The following HPCAL4 variants were observed in gnomAD, a reference collection of about 807,000 sequenced individuals.
The protein encoded by HPCAL4 is hippocalcin-like protein 4.
A neutral mutation model predicts 18.2 loss-of-function variants in HPCAL4; 16 were observed. That is an observed-to-expected ratio of 0.88 (90% CI 0.59 to 1.33). HPCAL4 has a LOEUF of 1.33. Among genes scored for constraint, HPCAL4 ranks in the 40% most tolerant of loss-of-function variants. The pLI, the probability that HPCAL4 is intolerant of heterozygous loss-of-function variation, is 0.00. For synonymous variants in HPCAL4, 80 were observed against 97.5 expected (o/e 0.82, Z 1.06); for missense variants, 214 against 256.6 (o/e 0.83, Z 1.14).
In HPCAL4 at chr1:39,681,648, C is replaced by T. The variant is rs1208827338; in HGVS notation, c.*888G>A. 5 of 152,224 alleles carry T rather than the reference C, an allele frequency of 3.3e-5. No individual in the cohort carries two copies. In the East Asian group the frequency reaches 7.7e-4, roughly 24 times the overall value. 9.4% of individuals were successfully genotyped at this position (152,224 alleles called of 1,614,324 possible). Reference sequence around the variant, plus strand: ...TTCCCCTTGAAAATTAATATTTTCTCTATTCATTTAATCATTTTATAAGAA... The same window carrying T: ...TTCCCCTTGAAAATTAATATTTTCTTTATTCATTTAATCATTTTATAAGAA... On this transcript the variant is annotated 3_prime_UTR_variant, in exon 4 of 4. Coordinates refer to ENST00000372844, the MANE Select transcript of HPCAL4 (RefSeq NM_016257.4).
Position 39,686,180 on chromosome 1 carries a change from CAA to C in HPCAL4, c.-8-1571_-8-1570del, listed in dbSNP as rs35915782. Among the ~76,000 whole-genome samples the C allele has an allele frequency of 6.7e-3, 579 of 86,448 alleles. 4 individuals are homozygous for C. Among genetic ancestry groups the C allele is most frequent in the African/African-American group, 0.02 (439 of 21,462 alleles). The allele number at this position is 86,448 out of a possible 152,430, so 56.7% of individuals were successfully genotyped here. On this transcript the variant is annotated intron_variant, in intron 1 of 3. Coordinates refer to ENST00000372844, the MANE Select transcript of HPCAL4 (RefSeq NM_016257.4). ...TGGGCGACAGAGTGAGACTCCGTCTCAAAAAAAAAAAAAAAAAAAAATTCACT... is the reference window on the plus strand; with the variant it reads ...TGGGCGACAGAGTGAGACTCCGTCTCAAAAAAAAAAAAAAAAAAATTCACT...
At chr1:39,682,821 C>A in intron 3 of HPCAL4, 88 bp from the exon 4 acceptor site, 1 of 988,914 alleles carries the variant, frequency 1.0e-6, no homozygotes, top group Non-Finnish European at 1.6e-6. Context: ...GCAGGGAGAA[C>A]ACTGGGGGTT....
chr1:39,686,103 C>T (rs1180880469), intron 1 of HPCAL4, among the ~76,000 whole-genome samples: 1 of 151,698 alleles, frequency 6.6e-6, no homozygotes, highest in Non-Finnish European at 1.5e-5. Context: ...ATGGCATCAA[C>T]CCCAGAGGCG....
At chr1:39,690,816 C>T (rs1401670334) in intron 1 of HPCAL4, among the ~76,000 whole-genome samples, 1 of 151,528 alleles carries the variant, frequency 6.6e-6, no homozygotes, top group South Asian at 2.1e-4. Flanking sequence ...GGAGGGAGCG[C>T]TCTGTGGAGG....
Position 39,682,562 on chromosome 1 carries a change from G to A in HPCAL4, c.550C>T (p.Leu184=). 1 of 1,614,234 alleles carries A rather than the reference G, an allele frequency of 6.2e-7. No individual in the cohort carries two copies. Among genetic ancestry groups the A allele is most frequent in the South Asian group, 1.1e-5 (1 of 91,086 alleles). ...AAKSDPSIVL[L]LQCDMQK ...TACTTCTGCATGTCACACTGCAGCA[G>A]CAACACAATGGATGGGTCACTCTTG... Residue 184 remains leucine (L), a synonymous_variant, in exon 4 of 4, where the codon CTG becomes TTG. Transcript: ENST00000372844.
At chr1:39,691,155 C>G (rs986662426) in intron 1 of HPCAL4, 151 bp downstream of exon 1, 2 of 152,666 alleles carry the variant, frequency 1.3e-5, no homozygotes, top group African/African-American at 4.8e-5. Context: ...GGGGTGGGCT[C>G]TTCAGTTGCT....
At chr1:39,688,074 C>T (rs1243231224) in intron 1 of HPCAL4, among the ~76,000 whole-genome samples, 3 of 152,114 alleles carry the variant, frequency 2.0e-5, no homozygotes, top group Admixed American at 6.5e-5. Context: ...AGGCTGAATC[C>T]GTGCTACCTG....
rs1415381703 is a variant in HPCAL4, at chr1:39,680,088, T to C, written c.*2448A>G. The C allele has an allele frequency of 6.6e-6, 1 of 152,570 alleles. No homozygotes were observed. The highest frequency in any genetic ancestry group is 1.5e-5 in the Non-Finnish European group (1 of 68,018). 9.5% of individuals were successfully genotyped at this position (152,570 alleles called of 1,614,324 possible). On this transcript the variant is annotated 3_prime_UTR_variant, in exon 4 of 4. Coordinates refer to ENST00000372844, the MANE Select transcript of HPCAL4 (RefSeq NM_016257.4). Reference sequence around the variant, plus strand: ...GTGGGGACTTCAACCAAGCTCCTATTTTTTTTGGAAGACCACAATCTCAGA... The same window carrying C: ...GTGGGGACTTCAACCAAGCTCCTATCTTTTTTGGAAGACCACAATCTCAGA...
rs1047516833 is a variant in HPCAL4, at chr1:39,682,151, T to C, written c.*385A>G. ...AGCCTCAGGAATGGACAGACCCAAT[T>C]TGGCCCTGTGACAGGCCTGTGGGAC... is the stretch of plus-strand genomic sequence containing the variant. On this transcript the variant is annotated 3_prime_UTR_variant, in exon 4 of 4. Coordinates refer to ENST00000372844, the MANE Select transcript of HPCAL4 (RefSeq NM_016257.4). The C allele has an allele frequency of 2.9e-5, 7 of 237,350 alleles. No individual in the cohort carries two copies. Among genetic ancestry groups the C allele is most frequent in the Non-Finnish European group, 5.9e-5 (7 of 119,616 alleles). The allele number at this position is 237,350 out of a possible 1,614,324, so 14.7% of individuals were successfully genotyped here. A position where few individuals can be genotyped will look rare whatever the true frequency, so the allele number is the denominator to read the frequency against.
At position 39,679,026 on chromosome 1, in the gene HPCAL4, G is replaced by T. The variant is rs1557750751; in HGVS notation, c.*3510C>A. 6.6e-6 allele frequency: 1 copy of T among 152,204 alleles called. No homozygotes were observed. The highest frequency in any genetic ancestry group is 1.5e-5 in the Non-Finnish European group (1 of 68,036). 9.4% of individuals were successfully genotyped at this position (152,204 alleles called of 1,614,324 possible). On this transcript the variant is annotated 3_prime_UTR_variant, in exon 4 of 4. Coordinates refer to ENST00000372844, the MANE Select transcript of HPCAL4 (RefSeq NM_016257.4). Reference sequence around the variant, plus strand: ...TTGAATTATTTCTTTTTTCAAGAATGATGAATAAAACATGTAAGACATTCT... The same window carrying T: ...TTGAATTATTTCTTTTTTCAAGAATTATGAATAAAACATGTAAGACATTCT...
rs2124189688 is a variant in HPCAL4, at chr1:39,684,254, C to CCCCGGGTGCCTTGCCTCCTCCCAT, written c.163-103_163-102insATGGGAGGAGGCAAGGCACCCGGG. 1.7e-5 allele frequency: 17 copies of CCCCGGGTGCCTTGCCTCCTCCCAT among 1,022,110 alleles called. No individual in the cohort carries two copies. In the East Asian group the frequency reaches 2.2e-4, roughly 13 times the overall value. 63.3% of individuals were successfully genotyped at this position (1,022,110 alleles called of 1,614,324 possible). On this transcript the variant is annotated intron_variant, in intron 2 of 3. Coordinates refer to ENST00000372844, the MANE Select transcript of HPCAL4 (RefSeq NM_016257.4). ...ACCCCGGGTGCCTCGCCTCCTCCCA[C>CCCCGGGTGCCTTGCCTCCTCCCAT]CCCGGGTGCCTTGCCCCCGCCACCC...
Position 39,679,336 on chromosome 1 carries a change from A to G in HPCAL4, c.*3200T>C, listed in dbSNP as rs554907393. 5.3e-5 allele frequency: 8 copies of G among 152,216 alleles called. No homozygotes were observed. The highest frequency in any genetic ancestry group is 9.7e-5 in the African/African-American group (4 of 41,442). 9.4% of individuals were successfully genotyped at this position (152,216 alleles called of 1,614,324 possible). On this transcript the variant is annotated 3_prime_UTR_variant, in exon 4 of 4. Coordinates refer to ENST00000372844, the MANE Select transcript of HPCAL4 (RefSeq NM_016257.4). ...AACTTTTTCTTCACTTTTGATATAC[A>G]GGTAAGTTAAATAATCCTGACTACA...
At chr1:39,684,227 G>GCACCCCGTGTGCCTCGCCTCCTCC in intron 2 of HPCAL4, 75 bp from the exon 3 acceptor site, 3 of 1,091,974 alleles carry the variant, frequency 2.7e-6, no homozygotes, top group Non-Finnish European at 3.7e-6. Context: ...AACCTCCCCT[G>GCACCCCGTGTGCCTCGCCTCCTCC]CACCCCGGGT....
chr1:39,687,336 C>G (rs1054822050), intron 1 of HPCAL4, among the ~76,000 whole-genome samples: 8 of 152,226 alleles, frequency 5.3e-5, no homozygotes, highest in Non-Finnish European at 8.8e-5. Flanking sequence ...ACTCTCAAGG[C>G]TCAGGGTATA....
At position 39,684,012 on chromosome 1, in the gene HPCAL4, G is replaced by A; in HGVS notation, c.303C>T (p.Leu101=). 1 of 1,614,038 alleles carries A rather than the reference G, an allele frequency of 6.2e-7. No individual in the cohort carries two copies. Among genetic ancestry groups the A allele is most frequent in the South Asian group, 1.1e-5 (1 of 91,086 alleles). Residue 101 remains leucine, a synonymous_variant, in exon 3 of 4, where the codon CTC becomes CTT. Coordinates refer to ENST00000372844, the MANE Select transcript of HPCAL4 (RefSeq NM_016257.4). ...VTSRGSFEQK[L]NWAFEMYDLD... Reference sequence around the variant, plus strand: ...GGTCGTACATCTCAAAGGCCCAGTTGAGCTTCTGCTCGAAGCTGCCGCGGG... The same window carrying A: ...GGTCGTACATCTCAAAGGCCCAGTTAAGCTTCTGCTCGAAGCTGCCGCGGG...
intron 1 of HPCAL4, among the ~76,000 whole-genome samples, chr1:39,689,299 G>C (rs1262919225): frequency 6.6e-6 from 1 of 151,934 alleles, no homozygotes; most frequent in Non-Finnish European, 1.5e-5. Context: ...TTCTGTGCCT[G>C]CACAGAACTG....
At position 39,680,745 on chromosome 1, in the gene HPCAL4, G is replaced by T. The variant is rs736009; in HGVS notation, c.*1791C>A. The T allele has an allele frequency of 0.47, 71,384 of 151,860 alleles. 16,924 individuals are homozygous for T. Among genetic ancestry groups the T allele is most frequent in the Admixed American group, 0.56 (8,483 of 15,274 alleles). The allele number at this position is 151,860 out of a possible 1,614,324, so 9.4% of individuals were successfully genotyped here. A position where few individuals can be genotyped will look rare whatever the true frequency, so the allele number is the denominator to read the frequency against. On this transcript the variant is annotated 3_prime_UTR_variant, in exon 4 of 4. Coordinates refer to ENST00000372844, the MANE Select transcript of HPCAL4 (RefSeq NM_016257.4). The stretch of plus-strand genomic sequence containing the variant: ...TGCAAACCAGTGGTTGCTATCCCCA[G>T]CAAGAGGATAGCAACCCAGTGGCCT...
At chr1:39,685,041 AT>A (rs1397863711) in intron 1 of HPCAL4, among the ~76,000 whole-genome samples, 1 of 152,006 alleles carries the variant, frequency 6.6e-6, no homozygotes, top group African/African-American at 2.4e-5. Context: ...CTGTCTCCCA[AT>A]TTCTTCCTCA....
chr1:39,690,589 T>C (rs891179083), intron 1 of HPCAL4, among the ~76,000 whole-genome samples: 3 of 151,948 alleles, frequency 2.0e-5, no homozygotes, highest in Non-Finnish European at 4.4e-5. Context: ...ACTGACGGTA[T>C]GGGTGGTCTG....
Sources: gnomAD v4.1 joint callset for allele counts (sites outside exome capture counted in the v4.1 genomes callset) on GRCh38, gnomAD v4.1.1 for gene constraint, MANE v1.5 for transcripts, NCBI Gene and HGNC (gene_info 2026-07-23, HGNC 2026-07-21) for gene names.